The following MYO1E variants were observed in gnomAD, a reference collection of about 807,000 sequenced individuals.
The protein encoded by MYO1E is unconventional myosin-Ie.
A neutral mutation model predicts 151.1 loss-of-function variants in MYO1E; 68 were observed. That is an observed-to-expected ratio of 0.45 (90% CI 0.37 to 0.55). The LOEUF is 0.55. Ranked by LOEUF, MYO1E falls within the 20% of genes least tolerant of loss-of-function variation. The pLI, the probability that MYO1E is intolerant of heterozygous loss-of-function variation, is 0.00. For synonymous variants in MYO1E, 601 were observed against 501.7 expected (o/e 1.20, Z -2.64); for missense variants, 1,363 against 1,389.3 (o/e 0.98, Z 0.30).
chr15:59,370,737 T>C (rs1212021950), intron 1 of MYO1E, among the ~76,000 whole-genome samples: 1 of 152,230 alleles, frequency 6.6e-6, no homozygotes, highest in East Asian at 1.9e-4. Context: ...TTCAGTCCAT[T>C]CAGCATGAAA....
intron 26 of MYO1E, among the ~76,000 whole-genome samples, chr15:59,142,207 A>T (rs2140300408): frequency 6.6e-6 from 1 of 152,258 alleles, no homozygotes; most frequent in South Asian, 2.1e-4. Context: ...GGTTGAATCC[A>T]CAGATGTGGA....
intron 7 of MYO1E, among the ~76,000 whole-genome samples, chr15:59,226,633 C>T (rs908134959): frequency 5.3e-5 from 8 of 151,986 alleles, no homozygotes; most frequent in African/African-American, 1.7e-4. Flanking sequence ...ATGGTGAAAC[C>T]CCACCTCTAC....
chr15:59,320,151 C>T (rs1596415692), intron 1 of MYO1E, among the ~76,000 whole-genome samples: 1 of 152,240 alleles, frequency 6.6e-6, no homozygotes, highest in East Asian at 1.9e-4. Flanking sequence ...CTACAAAACA[C>T]TGTTGAAAGA....
intron 1 of MYO1E, among the ~76,000 whole-genome samples, chr15:59,300,787 C>T (rs1280869908): frequency 6.6e-6 from 1 of 152,010 alleles, no homozygotes; most frequent in Non-Finnish European, 1.5e-5. Context: ...AAGAAGCTAG[C>T]CAAACGATAA....
chr15:59,250,053 T>A (rs1006250022), intron 4 of MYO1E, among the ~76,000 whole-genome samples: 17 of 151,984 alleles, frequency 1.1e-4, no homozygotes, highest in Non-Finnish European at 2.2e-4. Context: ...AGGTTTCCAA[T>A]TTGCTTTCTC....
At chr15:59,297,437 A>ATTTTTTTTTTTTTTTTTTTTTT (rs755470049) in intron 1 of MYO1E, among the ~76,000 whole-genome samples, 4 of 63,488 alleles carry the variant, frequency 6.3e-5, no homozygotes, top group African/African-American at 1.2e-4. Context: ...CACCCAGCTA[A>ATTTTTTTTTTTTTTTTTTTTTT]TTTTTTTTTT....
At chr15:59,174,008 G>A in intron 20 of MYO1E, 93 bp from the exon 21 acceptor site, 2 of 1,515,598 alleles carry the variant, frequency 1.3e-6, no homozygotes, top group South Asian at 1.1e-5. Context: ...AACTCTAAAT[G>A]ATGCAATATT....
chr15:59,192,141 C>T (rs1207286826), intron 17 of MYO1E, among the ~76,000 whole-genome samples: 5 of 152,082 alleles, frequency 3.3e-5, no homozygotes, highest in Non-Finnish European at 5.9e-5. Context: ...ATTTGTTACA[C>T]AATAAACCCA....
chr15:59,261,362 C>T (rs2080223503), intron 3 of MYO1E, 58 bp downstream of exon 3: 3 of 1,255,936 alleles, frequency 2.4e-6, no homozygotes, highest in Non-Finnish European at 3.5e-6. Context: ...CAAGAAAAAC[C>T]ATGTCTGCAT....
intron 1 of MYO1E, among the ~76,000 whole-genome samples, chr15:59,290,156 A>C (rs1215623189): frequency 1.3e-5 from 2 of 152,196 alleles, no homozygotes; most frequent in African/African-American, 2.4e-5. Context: ...GTGTCCATGG[A>C]ATCCAGATTT....
At chr15:59,141,084 A>G (rs935414026) in intron 26 of MYO1E, among the ~76,000 whole-genome samples, 1 of 152,206 alleles carries the variant, frequency 6.6e-6, no homozygotes, top group African/African-American at 2.4e-5. Context: ...CATTTGGTTA[A>G]TAAGAGCCAT....
At chr15:59,256,153 T>C (rs1163571486) in intron 4 of MYO1E, 131 bp downstream of exon 4, 7 of 695,466 alleles carry the variant, frequency 1.0e-5, no homozygotes, top group East Asian at 2.8e-5. Flanking sequence ...GCTAACCTGC[T>C]TGCTACTCAG....
At chr15:59,291,768 G>A (rs759773754) in intron 1 of MYO1E, among the ~76,000 whole-genome samples, 11 of 148,250 alleles carry the variant, frequency 7.4e-5, no homozygotes, top group Non-Finnish European at 1.2e-4. Flanking sequence ...TTGAGATGCC[G>A]AGGAAGATAA....
chr15:59,191,332 CAGAGAGAGAG>C (rs34694267), intron 17 of MYO1E, among the ~76,000 whole-genome samples: 9 of 105,746 alleles, frequency 8.5e-5, no homozygotes, highest in South Asian at 2.6e-4. Flanking sequence ...CAGACAGAGA[CAGAGAGAGAG>C]AGAGAGAGAG....
chr15:59,347,719 C>T (rs1178273772), intron 1 of MYO1E, among the ~76,000 whole-genome samples: 1 of 152,002 alleles, frequency 6.6e-6, no homozygotes, highest in Non-Finnish European at 1.5e-5. Flanking sequence ...TGGCACTTCA[C>T]AACAGGAGAC....
At chr15:59,218,355 G>A (rs1328596381) in intron 9 of MYO1E, 2 of 591,206 alleles carry the variant, frequency 3.4e-6, no homozygotes, top group African/African-American at 1.8e-5. Context: ...AGGGATTCAA[G>A]AAGGATGGCA....
intron 2 of MYO1E, among the ~76,000 whole-genome samples, chr15:59,263,451 C>T (rs923776716): frequency 6.6e-6 from 1 of 152,012 alleles, no homozygotes; most frequent in Non-Finnish European, 1.5e-5. Context: ...CTTAACATGC[C>T]AGGTGCTGTT....
chr15:59,337,545 G>C (rs904186102), intron 1 of MYO1E, among the ~76,000 whole-genome samples: 5 of 152,084 alleles, frequency 3.3e-5, no homozygotes, highest in African/African-American at 1.2e-4. Flanking sequence ...AAAATATTTC[G>C]CTCGGCTGGG....
intron 1 of MYO1E, among the ~76,000 whole-genome samples, chr15:59,275,020 C>T (rs1305074334): frequency 6.6e-6 from 1 of 152,152 alleles, no homozygotes; most frequent in African/African-American, 2.4e-5. Context: ...CTTACTACTG[C>T]AAGCAATCCT....
Sources: allele counts gnomAD v4.1 joint callset (sites outside exome capture counted in the v4.1 genomes callset), GRCh38; gene constraint gnomAD v4.1.1; transcripts MANE v1.5; gene names NCBI Gene and HGNC (gene_info 2026-07-23, HGNC 2026-07-21).